IMPG1: variants seen among roughly 807,000 people sequenced by gnomAD.
IMPG1 encodes the protein interphotoreceptor matrix proteoglycan of 150 kDa.
IMPG1 carries 85 observed loss-of-function variants against 92.0 expected under a neutral mutation model. The observed-to-expected ratio is 0.92, with a 90% CI of 0.78 to 1.11. IMPG1 has a LOEUF of 1.11. IMPG1 is among the 50% of genes least tolerant of loss of function. The pLI is 0.00. For missense variants in IMPG1, 1,022 were observed against 956.0 expected (o/e 1.07, Z -0.91); for synonymous variants, 367 against 334.1 (o/e 1.10, Z -1.08).
intron 1 of IMPG1, among the ~76,000 whole-genome samples, chr6:76,058,233 A>G (rs1277441144): frequency 6.6e-6 from 1 of 152,184 alleles, no homozygotes; most frequent in East Asian, 1.9e-4. Context: ...CAAAGACATG[A>G]ATTCATTTTA....
intron 12 of IMPG1, among the ~76,000 whole-genome samples, chr6:75,954,753 C>T (rs1187385698): frequency 3.3e-5 from 5 of 152,120 alleles, no homozygotes; most frequent in Non-Finnish European, 7.4e-5. Context: ...TTAGTTCTTA[C>T]ATTTAAGTCT....
intron 14 of IMPG1, 30 bp from the exon 15 acceptor site, chr6:75,931,181 T>C (rs1287899572): frequency 6.3e-7 from 1 of 1,580,438 alleles, no homozygotes; most frequent in East Asian, 2.3e-5. Context: ...TTTTAACGCA[T>C]GTATGAATAG....
At chr6:75,924,428 A>C (rs1312897122) in intron 15 of IMPG1, among the ~76,000 whole-genome samples, 3 of 114,234 alleles carry the variant, frequency 2.6e-5, no homozygotes, top group Admixed American at 1.4e-4. Context: ...ATAATATATA[A>C]TTAATATAAT....
At chr6:76,047,817 CT>C (rs1455108876) in intron 1 of IMPG1, among the ~76,000 whole-genome samples, 1 of 152,150 alleles carries the variant, frequency 6.6e-6, no homozygotes, top group East Asian at 1.9e-4. Flanking sequence ...ATTGCAACTC[CT>C]CTTTGAAATT....
chr6:76,008,508 A>G (rs1306565171), intron 8 of IMPG1, among the ~76,000 whole-genome samples: 1 of 152,166 alleles, frequency 6.6e-6, no homozygotes, highest in Non-Finnish European at 1.5e-5. Context: ...TGTACATGCT[A>G]CAGGCATGCC....
intron 4 of IMPG1, among the ~76,000 whole-genome samples, chr6:76,030,508 G>C (rs944251536): frequency 3.3e-5 from 5 of 151,916 alleles, no homozygotes; most frequent in African/African-American, 1.2e-4. Flanking sequence ...CTCTCTTCAC[G>C]GATAGGTAAT....
chr6:75,959,941 T>C (rs1007412327), intron 12 of IMPG1, among the ~76,000 whole-genome samples: 1 of 152,230 alleles, frequency 6.6e-6, no homozygotes, highest in South Asian at 2.1e-4. Flanking sequence ...GCTAGCTCAG[T>C]GTCTGCTCAA....
chr6:75,925,083 T>C (rs1399946278), intron 15 of IMPG1, among the ~76,000 whole-genome samples: 1 of 151,862 alleles, frequency 6.6e-6, no homozygotes, highest in Non-Finnish European at 1.5e-5. Context: ...TGTAGTTGTA[T>C]ATTTCAAAAT....
At position 76,011,118 on chromosome 6, in the gene IMPG1, G is replaced by A. The variant is rs1783176682; in HGVS notation, c.866+48C>T. The A allele has an allele frequency of 3.9e-6, 4 of 1,014,690 alleles. No individual in the cohort carries two copies. In the Admixed American group the frequency reaches 5.6e-5, roughly 14 times the overall value. The allele number at this position is 1,014,690 out of a possible 1,614,324, so 62.9% of individuals were successfully genotyped here. On this transcript the variant is annotated intron_variant, in intron 8 of 16. Transcript: ENST00000369950. ...ATGGCATTGTTTTTACAAAAGGATA[G>A]GAAGAAAGTAATTTAAAAATTGAGA... is the stretch of plus-strand genomic sequence containing the variant.
At chr6:75,952,580 G>C (rs1209941415) in intron 12 of IMPG1, among the ~76,000 whole-genome samples, 1 of 152,104 alleles carries the variant, frequency 6.6e-6, no homozygotes, top group Non-Finnish European at 1.5e-5. Context: ...TAATATCTAA[G>C]ATCTCTCTGG....
rs77340377 is a variant in IMPG1 at position 76,040,674 on chromosome 6, C to G, written c.301+1219G>C. ...CTGTGATCCAGTAGTTTTCACTTTTCTATGGGTGTGGCTTCTTTCAGAAAG... is the reference window on the plus strand; with the variant it reads ...CTGTGATCCAGTAGTTTTCACTTTTGTATGGGTGTGGCTTCTTTCAGAAAG... On this transcript the variant is annotated intron_variant, in intron 2 of 16. Coordinates refer to ENST00000369950, the MANE Select transcript of IMPG1 (RefSeq NM_001563.4). Among the ~76,000 whole-genome samples, 635 of 152,262 alleles carry G rather than the reference C, an allele frequency of 4.2e-3. 6 individuals are homozygous for G. Among genetic ancestry groups the G allele is most frequent in the African/African-American group, 0.015 (617 of 41,544 alleles).
At chr6:75,959,631 G>A (rs1051879177) in intron 12 of IMPG1, among the ~76,000 whole-genome samples, 3 of 152,142 alleles carry the variant, frequency 2.0e-5, no homozygotes, top group Non-Finnish European at 2.9e-5. Flanking sequence ...AGTGTGCTCC[G>A]CCCAGTTTGA....
chr6:76,061,071 A>G (rs1314372728), intron 1 of IMPG1, among the ~76,000 whole-genome samples: 1 of 152,216 alleles, frequency 6.6e-6, no homozygotes, highest in Non-Finnish European at 1.5e-5. Context: ...TCTCATGATT[A>G]AACAGAAACG....
At chr6:76,018,086 T>C (rs1783325078) in intron 7 of IMPG1, among the ~76,000 whole-genome samples, 1 of 152,214 alleles carries the variant, frequency 6.6e-6, no homozygotes, top group African/African-American at 2.4e-5. Flanking sequence ...AACACAGTGG[T>C]CCCTTTTTAT....
chr6:75,974,901 A>G (rs1782509877), intron 12 of IMPG1, among the ~76,000 whole-genome samples: 1 of 152,240 alleles, frequency 6.6e-6, no homozygotes, highest in Admixed American at 6.5e-5. Flanking sequence ...TTTAGAGAAC[A>G]TTCAGAGGCT....
intron 12 of IMPG1, among the ~76,000 whole-genome samples, chr6:75,961,266 C>T (rs566046778): frequency 6.6e-6 from 1 of 152,218 alleles, no homozygotes; most frequent in African/African-American, 2.4e-5. Flanking sequence ...TTCCATCCAA[C>T]TCCTTTATAT....
At chr6:75,968,096 T>C (rs150933650) in intron 12 of IMPG1, among the ~76,000 whole-genome samples, 190 of 152,370 alleles carry the variant, frequency 1.2e-3, no homozygotes, top group African/African-American at 4.2e-3. Context: ...ATTCTAAATT[T>C]GTAAACCTTG....
chr6:75,924,529 A>ATATATAATTATATAATATAAT (rs1562334632), intron 15 of IMPG1, among the ~76,000 whole-genome samples: 7 of 53,708 alleles, frequency 1.3e-4, no homozygotes, highest in Non-Finnish European at 1.7e-4. Context: ...ATTATATATT[A>ATATATAATTATATAATATAAT]TAATATAATT....
At chr6:75,987,805 C>T (rs374329104) in intron 12 of IMPG1, among the ~76,000 whole-genome samples, 27 of 152,036 alleles carry the variant, frequency 1.8e-4, no homozygotes, top group African/African-American at 6.5e-4. Context: ...CCACAAGGCC[C>T]GACTAATTTT....
Sources: gnomAD v4.1 joint callset for allele counts (sites outside exome capture counted in the v4.1 genomes callset) on GRCh38, gnomAD v4.1.1 for gene constraint, MANE v1.5 for transcripts, NCBI Gene and HGNC (gene_info 2026-07-23, HGNC 2026-07-21) for gene names.